The following GALNT17 variants were observed in gnomAD, a reference collection of about 807,000 sequenced individuals.
The protein encoded by GALNT17 is polypeptide N-acetylgalactosaminyltransferase 17, also known as UDP-GalNAc:polypeptide N-acetylgalactosaminyltransferase-like 3.
GALNT17 carries 29 observed loss-of-function variants against 63.7 expected under a neutral mutation model. The observed-to-expected ratio is 0.46, with a 90% CI of 0.34 to 0.62. The LOEUF is 0.62. Among genes scored for constraint, GALNT17 ranks in the 20% least tolerant of loss-of-function variants. The probability of loss-of-function intolerance (pLI) is 0.01; values close to 1 mark genes in which losing one functional copy is unlikely to be tolerated. For synonymous variants in GALNT17, 305 were observed against 318.3 expected (o/e 0.96, Z 0.45); for missense variants, 603 against 799.6 (o/e 0.75, Z 2.97).
At chr7:71,194,163 A>T (rs1332118899) in intron 1 of GALNT17, among the ~76,000 whole-genome samples, 3 of 152,096 alleles carry the variant, frequency 2.0e-5, no homozygotes, top group Non-Finnish European at 4.4e-5. Context: ...CTCCCACCTC[A>T]GCCTCCTGAG....
intron 5 of GALNT17, among the ~76,000 whole-genome samples, chr7:71,492,770 C>T (rs1465016616): frequency 2.0e-5 from 3 of 152,184 alleles, no homozygotes; most frequent in East Asian, 3.9e-4. Flanking sequence ...TTTGACGTAT[C>T]GCTGTTCTCC....
At chr7:71,202,664 T>C (rs781004528) in intron 1 of GALNT17, among the ~76,000 whole-genome samples, 14 of 152,208 alleles carry the variant, frequency 9.2e-5, no homozygotes, top group Non-Finnish European at 1.6e-4. Context: ...CCTACTCTCT[T>C]AGCAATTTTC....
intron 1 of GALNT17, among the ~76,000 whole-genome samples, chr7:71,261,534 G>A (rs1311900116): frequency 6.6e-6 from 1 of 152,226 alleles, no homozygotes; most frequent in East Asian, 1.9e-4. Context: ...GAGATGCATA[G>A]CATCTCCAAA....
At chr7:71,388,498 C>A in intron 3 of GALNT17, 97 bp downstream of exon 3, 2 of 1,401,316 alleles carry the variant, frequency 1.4e-6, no homozygotes, top group South Asian at 1.4e-5. Flanking sequence ...GTCTCCTGGT[C>A]CCTGGAGCAT....
At chr7:71,486,063 C>G (rs1469265695) in intron 5 of GALNT17, among the ~76,000 whole-genome samples, 1 of 152,142 alleles carries the variant, frequency 6.6e-6, no homozygotes, top group Non-Finnish European at 1.5e-5. Context: ...CACAGTGGCT[C>G]ATGCCTATAA....
chr7:71,576,529 T>TTGTGTGTG (rs3048366), intron 6 of GALNT17, among the ~76,000 whole-genome samples: 14,922 of 142,740 alleles, frequency 0.1, 885 homozygotes, highest in East Asian at 0.18. Flanking sequence ...TTTTTTAACT[T>TTGTGTGTG]TGTGTGTGTG....
At chr7:71,708,066 T>A (rs1179775156) in intron 9 of GALNT17, among the ~76,000 whole-genome samples, 1 of 152,220 alleles carries the variant, frequency 6.6e-6, no homozygotes, top group Non-Finnish European at 1.5e-5. Flanking sequence ...TGTTGCCCAC[T>A]TGCAGTATTT....
intron 5 of GALNT17, among the ~76,000 whole-genome samples, chr7:71,444,055 T>C (rs1042489880): frequency 4.6e-5 from 7 of 152,178 alleles, no homozygotes; most frequent in Non-Finnish European, 1.0e-4. Context: ...CAACACAAAA[T>C]GGACTAAGAC....
intron 6 of GALNT17, among the ~76,000 whole-genome samples, chr7:71,623,011 T>A (rs1229187053): frequency 2.0e-5 from 3 of 152,182 alleles, no homozygotes; most frequent in African/African-American, 7.2e-5. Flanking sequence ...TTCCTCTGAA[T>A]GACTGTGGTA....
intron 3 of GALNT17, among the ~76,000 whole-genome samples, chr7:71,409,609 G>T (rs1335620254): frequency 6.6e-6 from 1 of 152,186 alleles, no homozygotes; most frequent in Non-Finnish European, 1.5e-5. Flanking sequence ...CCTGGACTGG[G>T]TGGCCACTTC....
Position 71,389,499 on chromosome 7 carries a change from A to G in GALNT17, c.589+1098A>G, listed in dbSNP as rs189451626. Among the ~76,000 whole-genome samples, 390 of 151,938 alleles carry G rather than the reference A, an allele frequency of 2.6e-3. 8 individuals are homozygous for G. Among genetic ancestry groups the G allele is most frequent in the Non-Finnish European group, 1.5e-3 (104 of 67,956 alleles). ...TAAGGTGGAATAGTTTCATCCTGAA[A>G]CCATCTCCCCTGACCCCCATGTTCC... On this transcript the variant is annotated intron_variant, in intron 3 of 10. Coordinates refer to ENST00000333538, the MANE Select transcript of GALNT17 (RefSeq NM_022479.3).
chr7:71,175,223 T>C (rs1788616009), intron 1 of GALNT17, among the ~76,000 whole-genome samples: 1 of 152,270 alleles, frequency 6.6e-6, no homozygotes, highest in African/African-American at 2.4e-5. Flanking sequence ...CATCCCTCCA[T>C]CACTGTCTGT....
intron 8 of GALNT17, among the ~76,000 whole-genome samples, chr7:71,674,192 T>A (rs1206874475): frequency 6.6e-6 from 1 of 152,196 alleles, no homozygotes; most frequent in Admixed American, 6.5e-5. Flanking sequence ...TTCCCAGATA[T>A]AATCAATGTT....
chr7:71,410,693 A>G (rs1474142646), intron 3 of GALNT17, among the ~76,000 whole-genome samples: 3 of 152,180 alleles, frequency 2.0e-5, no homozygotes, highest in Non-Finnish European at 4.4e-5. Context: ...AGAATTCTGT[A>G]ATGTTCTTTG....
At chr7:71,634,767 A>T (rs1003067993) in intron 6 of GALNT17, among the ~76,000 whole-genome samples, 4 of 151,362 alleles carry the variant, frequency 2.6e-5, no homozygotes, top group Non-Finnish European at 5.9e-5. Context: ...AAAAAAAAAA[A>T]AGAAAAAAGA....
In GALNT17 at chr7:71,309,272, C is replaced by T. The variant is rs148137103; in HGVS notation, c.239-26278C>T. Among the ~76,000 whole-genome samples the T allele has an allele frequency of 3.3e-3, 500 of 152,198 alleles. 7 individuals carry two copies. The highest frequency in any genetic ancestry group is 0.016 in the East Asian group (85 of 5,164). On this transcript the variant is annotated intron_variant, in intron 1 of 10. Transcript: ENST00000333538. ...TGTGACTCAGTGAATAAATCCATGACCCTTGGCAGTCTAATTCCTGTTTGT... is the reference window on the plus strand; with the variant it reads ...TGTGACTCAGTGAATAAATCCATGATCCTTGGCAGTCTAATTCCTGTTTGT...
chr7:71,292,322 G>C (rs1282058763), intron 1 of GALNT17, among the ~76,000 whole-genome samples: 1 of 152,118 alleles, frequency 6.6e-6, no homozygotes, highest in Non-Finnish European at 1.5e-5. Flanking sequence ...ACCTTGGTTG[G>C]GTGTTCTAAG....
chr7:71,387,746 C>CT (rs1792972984), intron 2 of GALNT17, among the ~76,000 whole-genome samples: 1 of 152,068 alleles, frequency 6.6e-6, no homozygotes, highest in Non-Finnish European at 1.5e-5. Context: ...TGCCCTGAAG[C>CT]TCAGGGCACA....
At chr7:71,488,185 A>AC (rs1397469214) in intron 5 of GALNT17, among the ~76,000 whole-genome samples, 2 of 148,970 alleles carry the variant, frequency 1.3e-5, no homozygotes, top group Non-Finnish European at 3.0e-5. Flanking sequence ...AAAAAAAAAA[A>AC]AAAACAGCCA....
Sources: gnomAD v4.1 joint callset for allele counts (sites outside exome capture counted in the v4.1 genomes callset) on GRCh38, gnomAD v4.1.1 for gene constraint, MANE v1.5 for transcripts, NCBI Gene and HGNC (gene_info 2026-07-23, HGNC 2026-07-21) for gene names.